TAFA4: variants seen among roughly 807,000 people sequenced by gnomAD.
TAFA4 encodes the protein chemokine-like protein TAFA-4.
Under a neutral mutation model 21.1 loss-of-function variants are expected in TAFA4, and 20 were observed. The observed-to-expected ratio is 0.95, with a 90% CI of 0.67 to 1.38. TAFA4 has a LOEUF of 1.38. TAFA4 is among the 40% of genes most tolerant of loss of function. The probability of loss-of-function intolerance (pLI) is 0.00; values close to 1 mark genes in which losing one functional copy is unlikely to be tolerated. For missense variants in TAFA4, 211 were observed against 180.9 expected (o/e 1.17, Z -0.95); for synonymous variants, 71 against 67.4 (o/e 1.05, Z -0.26).
intron 4 of TAFA4, among the ~76,000 whole-genome samples, chr3:68,740,760 C>T (rs1362252280): frequency 6.6e-6 from 1 of 152,162 alleles, no homozygotes; most frequent in Non-Finnish European, 1.5e-5. Context: ...ATGTTTTCTT[C>T]TAGGAGTTTC....
Position 68,890,411 on chromosome 3 carries a change from C to T in TAFA4, c.-122-5101G>A, listed in dbSNP as rs570407377. Among the ~76,000 whole-genome samples, 4 of 152,170 alleles carry T rather than the reference C, an allele frequency of 2.6e-5. No individual in the cohort carries two copies. The South Asian group carries it at 8.3e-4, about 32-fold the overall frequency. On this transcript the variant is annotated intron_variant, in intron 1 of 5. Transcript: ENST00000295569. ...ACTAAAATGATTGAGAGCTTATTGC[C>T]AATTCTAAGCAATAAGGGGAGTGAA...
intron 3 of TAFA4, among the ~76,000 whole-genome samples, chr3:68,840,605 A>T (rs1704638245): frequency 6.6e-6 from 1 of 152,184 alleles, no homozygotes. Context: ...AAGGTAAATA[A>T]AAACTCTTAT....
At chr3:68,856,272 A>C (rs1705068085) in intron 3 of TAFA4, among the ~76,000 whole-genome samples, 1 of 152,166 alleles carries the variant, frequency 6.6e-6, no homozygotes, top group African/African-American at 2.4e-5. Context: ...TGAGAGGTCT[A>C]AGGCAACTTT....
intron 3 of TAFA4, among the ~76,000 whole-genome samples, chr3:68,855,610 G>A (rs1559544361): frequency 6.6e-6 from 1 of 151,962 alleles, no homozygotes; most frequent in Non-Finnish European, 1.5e-5. Flanking sequence ...AAGTAGGGGG[G>A]AAAAAAGTTG....
intron 1 of TAFA4, among the ~76,000 whole-genome samples, chr3:68,903,729 G>A (rs1342472023): frequency 4.6e-5 from 7 of 152,156 alleles, no homozygotes; most frequent in Non-Finnish European, 1.0e-4. Flanking sequence ...GGGGTTTGAT[G>A]TACAGATTAT....
At chr3:68,862,483 T>G (rs977506690) in intron 3 of TAFA4, among the ~76,000 whole-genome samples, 2 of 152,152 alleles carry the variant, frequency 1.3e-5, no homozygotes, top group African/African-American at 4.8e-5. Context: ...CTTTTTAGCC[T>G]AATTAACCTG....
chr3:68,868,854 AAATTAGTAG>A (rs2089449582), intron 3 of TAFA4, among the ~76,000 whole-genome samples: 1 of 152,002 alleles, frequency 6.6e-6, no homozygotes. Flanking sequence ...ACCAAATCCA[AAATTAGTAG>A]AAGGAATGAA....
chr3:68,868,942 T>G (rs573072844), intron 3 of TAFA4, among the ~76,000 whole-genome samples: 1 of 151,890 alleles, frequency 6.6e-6, no homozygotes, highest in South Asian at 2.1e-4. Flanking sequence ...AAAGTTGTTT[T>G]TTTGCAGAGA....
chr3:68,752,565 G>C (rs1038170603), intron 4 of TAFA4, among the ~76,000 whole-genome samples: 4 of 152,242 alleles, frequency 2.6e-5, no homozygotes, highest in African/African-American at 9.6e-5. Context: ...CAGGGCATCA[G>C]AGGAAACAAT....
intron 5 of TAFA4, among the ~76,000 whole-genome samples, chr3:68,738,811 C>A (rs141684479): frequency 6.6e-6 from 1 of 152,264 alleles, no homozygotes; most frequent in Admixed American, 6.5e-5. Context: ...TACTTTAAAT[C>A]GGGCTTGTGA....
chr3:68,901,512 C>G (rs2089843917), intron 1 of TAFA4, among the ~76,000 whole-genome samples: 1 of 151,986 alleles, frequency 6.6e-6, no homozygotes, highest in Admixed American at 6.6e-5. Context: ...TCTATGCTAC[C>G]CAATTAGTAG....
At chr3:68,878,949 G>C (rs2089584754) in intron 3 of TAFA4, among the ~76,000 whole-genome samples, 1 of 152,074 alleles carries the variant, frequency 6.6e-6, no homozygotes, top group South Asian at 2.1e-4. Flanking sequence ...AAAACTGGGG[G>C]GGAGATTCCC....
rs1559567864 is a variant in TAFA4 at position 68,932,514 on chromosome 3, C to A, written c.-397G>T. On this transcript the variant is annotated 5_prime_UTR_variant, in exon 1 of 6. Transcript: ENST00000295569. The stretch of plus-strand genomic sequence containing the variant: ...CCCGCAGCCGCGCGCGCAGTCGGTG[C>A]GCCCCGTCCAGGGCGGCGCGCAGCT... 1.3e-5 allele frequency: 2 copies of A among 152,192 alleles called. No homozygotes were observed. The highest frequency in any genetic ancestry group is 4.8e-5 in the African/African-American group (2 of 41,422). 9.4% of individuals were successfully genotyped at this position (152,192 alleles called of 1,614,324 possible).
chr3:68,792,180 T>C (rs565354151), intron 3 of TAFA4, among the ~76,000 whole-genome samples: 1 of 152,328 alleles, frequency 6.6e-6, no homozygotes, highest in South Asian at 2.1e-4. Context: ...ACTAATACCA[T>C]ATTATTAAGT....
chr3:68,827,229 G>A (rs976327617), intron 3 of TAFA4, among the ~76,000 whole-genome samples: 3 of 151,922 alleles, frequency 2.0e-5, no homozygotes, highest in Admixed American at 6.6e-5. Context: ...CCTTTTTTAT[G>A]GCTGCATAGT....
At chr3:68,865,800 C>A (rs1163633119) in intron 3 of TAFA4, among the ~76,000 whole-genome samples, 1 of 152,030 alleles carries the variant, frequency 6.6e-6, no homozygotes, top group African/African-American at 2.4e-5. Flanking sequence ...ACTTACCACA[C>A]CAGCTAGAGC....
At chr3:68,824,180 A>AT (rs1471934117) in intron 3 of TAFA4, among the ~76,000 whole-genome samples, 6 of 152,164 alleles carry the variant, frequency 3.9e-5, no homozygotes, top group Admixed American at 3.9e-4. Context: ...ACTTCCTATA[A>AT]TTTTTTCTAT....
At chr3:68,806,124 A>G (rs2106835505) in intron 3 of TAFA4, among the ~76,000 whole-genome samples, 1 of 152,344 alleles carries the variant, frequency 6.6e-6, no homozygotes, top group South Asian at 2.1e-4. Flanking sequence ...GTAAAAAGCA[A>G]TATGCCAAGG....
At chr3:68,811,466 G>A (rs1270318947) in intron 3 of TAFA4, among the ~76,000 whole-genome samples, 1 of 152,196 alleles carries the variant, frequency 6.6e-6, no homozygotes, top group African/African-American at 2.4e-5. Context: ...AACCAATGCA[G>A]AGAAGTCCTT....
Sources: allele counts gnomAD v4.1 joint callset (sites outside exome capture counted in the v4.1 genomes callset), GRCh38; gene constraint gnomAD v4.1.1; transcripts MANE v1.5; gene names NCBI Gene and HGNC (gene_info 2026-07-23, HGNC 2026-07-21).